The following AFF3 variants were observed in gnomAD, a reference collection of about 807,000 sequenced individuals.
AFF3 encodes AF4/FMR2 family member 3.
Under a neutral mutation model 129.7 loss-of-function variants are expected in AFF3, and 32 were observed. That is an observed-to-expected ratio of 0.25 (90% confidence interval 0.19 to 0.33). AFF3 has a LOEUF of 0.33. Among genes scored for constraint, AFF3 ranks in the 10% least tolerant of loss-of-function variants. The pLI, the probability that AFF3 is intolerant of heterozygous loss-of-function variation, is 1.00. For synonymous variants in AFF3, 644 were observed against 635.4 expected (o/e 1.01, Z -0.20); for missense variants, 1,373 against 1,592.0 (o/e 0.86, Z 2.34).
chr2:99,977,429 C>T (rs533044732), intron 7 of AFF3, among the ~76,000 whole-genome samples: 2 of 152,226 alleles, frequency 1.3e-5, no homozygotes, highest in Admixed American at 6.5e-5. Flanking sequence ...CTCCACCAAT[C>T]CCTCGGAGAG....
chr2:99,949,931 CTT>C (rs1675984546), intron 7 of AFF3, among the ~76,000 whole-genome samples: 1 of 152,166 alleles, frequency 6.6e-6, no homozygotes, highest in Non-Finnish European at 1.5e-5. Context: ...ACTCATAACT[CTT>C]ATAAATATTT....
chr2:99,626,419 TTTCTC>T (rs1682565312), intron 13 of AFF3, among the ~76,000 whole-genome samples: 1 of 79,138 alleles, frequency 1.3e-5, no homozygotes, highest in Admixed American at 1.8e-4. Context: ...CTCCCCTCCC[TTTCTC>T]TCTCCTCCCT....
intron 22 of AFF3, among the ~76,000 whole-genome samples, chr2:99,558,104 T>C (rs1675119672): frequency 6.6e-6 from 1 of 152,238 alleles, no homozygotes; most frequent in African/African-American, 2.4e-5. Context: ...CACTGCTATC[T>C]ACTGCTTCTG....
rs574373132 is a variant in AFF3 at position 100,040,562 on chromosome 2, A to G, written c.54-31630T>C. Among the ~76,000 whole-genome samples the G allele has an allele frequency of 4.6e-5, 7 of 152,280 alleles. No homozygotes were observed. The East Asian group carries it at 1.4e-3, about 29-fold the overall frequency. Reference sequence around the variant, plus strand: ...CTGGTTTTATCAGTTACATCAGAGGACCACCATGAATCCCTGATGAGAGCA... The same window carrying G: ...CTGGTTTTATCAGTTACATCAGAGGGCCACCATGAATCCCTGATGAGAGCA... On this transcript the variant is annotated intron_variant, in intron 4 of 24. Transcript: ENST00000672756.
Position 100,105,562 on chromosome 2 carries a change from G to C in AFF3, c.-123C>G. 7.5e-7 allele frequency: 1 copy of C among 1,332,644 alleles called. No homozygotes were observed. Among genetic ancestry groups the C allele is most frequent in the Non-Finnish European group, 9.9e-7 (1 of 1,005,344 alleles). The allele number at this position is 1,332,644 out of a possible 1,614,324, so 82.6% of individuals were successfully genotyped here. On this transcript the variant is annotated 5_prime_UTR_variant, in exon 3 of 25. Coordinates refer to ENST00000672756, the MANE Select transcript of AFF3 (RefSeq NM_001386135.1). ...ACTTCAAACTTGCCGCCCGTCTCCGGTCTGGAAAGGCAGGTGATCAGCTAG... is the reference window on the plus strand; with the variant it reads ...ACTTCAAACTTGCCGCCCGTCTCCGCTCTGGAAAGGCAGGTGATCAGCTAG...
intron 7 of AFF3, among the ~76,000 whole-genome samples, chr2:99,939,614 C>A (rs957590616): frequency 4.6e-5 from 7 of 152,212 alleles, no homozygotes; most frequent in African/African-American, 1.7e-4. Flanking sequence ...AACTTCCATA[C>A]TGCAGCTTTA....
intron 8 of AFF3, among the ~76,000 whole-genome samples, chr2:99,769,679 G>C (rs1217278185): frequency 2.0e-5 from 3 of 152,186 alleles, no homozygotes; most frequent in Admixed American, 2.0e-4. Flanking sequence ...TGGGTGTTGT[G>C]ACTGACACTG....
At chr2:99,642,053 G>A (rs1268262798) in intron 13 of AFF3, among the ~76,000 whole-genome samples, 1 of 152,142 alleles carries the variant, frequency 6.6e-6, no homozygotes, top group Non-Finnish European at 1.5e-5. Flanking sequence ...AATGAATGAA[G>A]AAGTACAAAT....
At chr2:99,936,226 C>T (rs1674513345) in intron 7 of AFF3, among the ~76,000 whole-genome samples, 1 of 152,038 alleles carries the variant, frequency 6.6e-6, no homozygotes, top group East Asian at 1.9e-4. Flanking sequence ...CAATCACTAG[C>T]CACACAGTCT....
chr2:99,603,511 C>G (rs931780274), intron 13 of AFF3, among the ~76,000 whole-genome samples: 2 of 152,162 alleles, frequency 1.3e-5, no homozygotes, highest in Admixed American at 6.5e-5. Context: ...AATTTACAAA[C>G]TAAAACTATA....
chr2:99,699,205 G>C (rs1422377730), intron 11 of AFF3, among the ~76,000 whole-genome samples: 1 of 152,170 alleles, frequency 6.6e-6, no homozygotes, highest in Non-Finnish European at 1.5e-5. Context: ...TGAATGCAAA[G>C]AAACCTCTGC....
At chr2:99,958,975 G>C (rs1049496906) in intron 7 of AFF3, among the ~76,000 whole-genome samples, 2 of 151,902 alleles carry the variant, frequency 1.3e-5, no homozygotes, top group Non-Finnish European at 2.9e-5. Context: ...AGCCAGGCGT[G>C]GGTCACAGCT....
chr2:100,141,788 TACATATATATACAC>T (rs2105621926), intron 1 of AFF3, among the ~76,000 whole-genome samples: 1 of 152,300 alleles, frequency 6.6e-6, no homozygotes, highest in Non-Finnish European at 1.5e-5. Context: ...TATGTGTGTG[TACATATATATACAC>T]ACATAAACAC....
intron 13 of AFF3, among the ~76,000 whole-genome samples, chr2:99,605,374 C>T (rs895476073): frequency 6.6e-6 from 1 of 152,132 alleles, no homozygotes; most frequent in Non-Finnish European, 1.5e-5. Context: ...TGCATAATAT[C>T]CAGAAACAAT....
chr2:100,065,156 G>T (rs892995086), intron 4 of AFF3, among the ~76,000 whole-genome samples: 5 of 152,184 alleles, frequency 3.3e-5, no homozygotes, highest in African/African-American at 4.8e-5. Context: ...TGAAAAACGA[G>T]GCTGCTCTGC....
At chr2:100,022,647 A>T (rs1278385094) in intron 4 of AFF3, among the ~76,000 whole-genome samples, 1 of 152,050 alleles carries the variant, frequency 6.6e-6, no homozygotes, top group African/African-American at 2.4e-5. Flanking sequence ...CCTGACCACA[A>T]GTGATCCGCC....
intron 10 of AFF3, among the ~76,000 whole-genome samples, chr2:99,732,247 C>G (rs1046678177): frequency 1.3e-5 from 2 of 150,434 alleles, no homozygotes; most frequent in African/African-American, 2.5e-5. Flanking sequence ...CCTAGCTACT[C>G]GGGAGGCTGA....
chr2:100,126,018 T>C (rs1425287960), intron 2 of AFF3, among the ~76,000 whole-genome samples: 1 of 152,192 alleles, frequency 6.6e-6, no homozygotes, highest in Middle Eastern at 3.2e-3. Flanking sequence ...TTGGATTTGA[T>C]GTATGGGATC....
chr2:100,037,213 G>A (rs922572971), intron 4 of AFF3, among the ~76,000 whole-genome samples: 5 of 151,344 alleles, frequency 3.3e-5, no homozygotes, highest in Non-Finnish European at 4.4e-5. Flanking sequence ...AACAAGTTAT[G>A]GTATATTTAT....
Sources: gnomAD v4.1 joint callset for allele counts (sites outside exome capture counted in the v4.1 genomes callset) on GRCh38, gnomAD v4.1.1 for gene constraint, MANE v1.5 for transcripts, NCBI Gene and HGNC (gene_info 2026-07-23, HGNC 2026-07-21) for gene names.